The following ITGA6 variants were observed in gnomAD, a reference collection of about 807,000 sequenced individuals.
ITGA6 encodes integrin subunit alpha 6, also known as integrin alpha-6.
In ITGA6, 63 loss-of-function variants were observed where a neutral mutation model predicts 133.6. The ratio of observed to expected loss-of-function variants is 0.47; its 90% CI spans 0.38 to 0.58. ITGA6 has a LOEUF of 0.58. Among genes scored for constraint, ITGA6 ranks in the 20% least tolerant of loss-of-function variants. ITGA6 has a pLI of 0.00. For synonymous variants in ITGA6, 434 were observed against 482.0 expected, an observed-to-expected ratio of 0.90 and a Z score of 1.30; for missense variants, 1,068 against 1,309.4, an observed-to-expected ratio of 0.82 and a Z score of 2.85.
rs566071325 is a variant in ITGA6, at chr2:172,471,128, G to A, written c.775+23G>A. 4 of 1,614,034 alleles carry A rather than the reference G, an allele frequency of 2.5e-6. No individual in the cohort carries two copies. In the East Asian group the frequency reaches 8.9e-5, roughly 36 times the overall value. On this transcript the variant is annotated intron_variant, in intron 5 of 25. Coordinates refer to ENST00000684293, the MANE Select transcript of ITGA6 (RefSeq NM_000210.4). ...TAGGTAGGAGCAGGCACAGATGGCT[G>A]CCTTTGCCCACCTTCTCAGATACCT... is the stretch of plus-strand genomic sequence containing the variant.
rs1686746052 is a variant in ITGA6, at chr2:172,487,627, A to G, written c.2241A>G (p.Ser747=). The change falls in exon 16 of 26, where the codon TCA becomes TCG. Residue 747 remains serine (S), a synonymous_variant. Coordinates refer to ENST00000684293, the MANE Select transcript of ITGA6 (RefSeq NM_000210.4). ...CELGNPFKRN[S]NVTFYLVLST... ...TCGGAAATCCTTTTAAAAGAAATTC[A>G]AATGTAGGTGATGCCTTCATATACT... 1 of 1,613,992 alleles carries G rather than the reference A, an allele frequency of 6.2e-7. No individual in the cohort carries two copies. The highest frequency in any genetic ancestry group is 8.5e-7 in the Non-Finnish European group (1 of 1,179,816).
chr2:172,494,085 T>A (rs1687030522), intron 23 of ITGA6, among the ~76,000 whole-genome samples: 1 of 152,226 alleles, frequency 6.6e-6, no homozygotes, highest in African/African-American at 2.4e-5. Flanking sequence ...ATTTCTGACA[T>A]ACAATAGCTC....
At chr2:172,429,028 A>G (rs1172219404) in intron 1 of ITGA6, among the ~76,000 whole-genome samples, 2 of 152,234 alleles carry the variant, frequency 1.3e-5, no homozygotes, top group African/African-American at 4.8e-5. Flanking sequence ...CAGGACCAAC[A>G]GACCGGAGAA....
chr2:172,441,558 TTAAAAAAAAAAAAAAA>T (rs1183777538), intron 1 of ITGA6, among the ~76,000 whole-genome samples: 1 of 64,858 alleles, frequency 1.5e-5, no homozygotes, highest in African/African-American at 6.2e-5. Flanking sequence ...CGCTGTCTCT[TTAAAAAAAAAAAAAAA>T]AAAAAAAAAA....
rs114764424 is a variant in ITGA6, at chr2:172,432,472, T to C, written c.182+4502T>C. Among the ~76,000 whole-genome samples the C allele has an allele frequency of 4.5e-3, 683 of 152,356 alleles. 6 individuals carry two copies. Among genetic ancestry groups the C allele is most frequent in the African/African-American group, 0.016 (650 of 41,582 alleles). On this transcript the variant is annotated intron_variant, in intron 1 of 25. Transcript: ENST00000684293. The stretch of plus-strand genomic sequence containing the variant: ...GCAAATACAATAGAGACTGATATTA[T>C]ACACTCAGTTTAACCTGTGACATCA...
At chr2:172,475,561 G>T (rs368862941) in intron 7 of ITGA6, 36 bp from the exon 8 acceptor site, 1 of 1,099,932 alleles carries the variant, frequency 9.1e-7, no homozygotes, top group Admixed American at 1.7e-5. Context: ...TTTCTAAAGC[G>T]TTTGTTAAAA....
rs559311324 is a variant in ITGA6, at chr2:172,494,282, G to A, written c.2988+2759G>A. Among the ~76,000 whole-genome samples, 9 of 152,216 alleles carry A rather than the reference G, an allele frequency of 5.9e-5. 2 individuals are homozygous for A. The South Asian group carries it at 1.5e-3, about 25-fold the overall frequency. The stretch of plus-strand genomic sequence containing the variant: ...TAAACTTTGGGAGGCCAAGGCAGGC[G>A]GATTGCTTGAGCCCAGGAGTTAGAG... On this transcript the variant is annotated intron_variant, in intron 23 of 25. Transcript: ENST00000684293.
At chr2:172,442,107 G>T (rs894024942) in intron 1 of ITGA6, among the ~76,000 whole-genome samples, 8 of 152,190 alleles carry the variant, frequency 5.3e-5, no homozygotes, top group African/African-American at 1.9e-4. Context: ...TCCAGAAGCA[G>T]CTGTGTGTTC....
At chr2:172,439,537 G>A (rs191461862) in intron 1 of ITGA6, among the ~76,000 whole-genome samples, 2 of 151,984 alleles carry the variant, frequency 1.3e-5, no homozygotes, top group East Asian at 3.9e-4. Flanking sequence ...TCTTCCTGAG[G>A]TGGCATGGTG....
At chr2:172,466,307 C>G (rs185659628) in intron 2 of ITGA6, among the ~76,000 whole-genome samples, 3 of 152,186 alleles carry the variant, frequency 2.0e-5, no homozygotes, top group Non-Finnish European at 4.4e-5. Flanking sequence ...TCTTCTCTTG[C>G]TTCTTCATCT....
chr2:172,481,787 G>A (rs889304824), intron 11 of ITGA6, among the ~76,000 whole-genome samples: 5 of 152,144 alleles, frequency 3.3e-5, no homozygotes, highest in Admixed American at 2.0e-4. Flanking sequence ...GCATTTTGTC[G>A]AGTGTAGAAA....
intron 5 of ITGA6, among the ~76,000 whole-genome samples, chr2:172,471,306 G>C (rs556520391): frequency 1.3e-5 from 2 of 152,236 alleles, no homozygotes; most frequent in African/African-American, 4.8e-5. Context: ...CTTCTGACTG[G>C]GGCTCCCTCA....
Position 172,497,989 on chromosome 2 carries a change from GT to G in ITGA6, c.3006del (p.Ser1004GlnfsTer4), listed in dbSNP as rs756881450. On this transcript the variant is annotated frameshift_variant, in exon 24 of 26. Transcript: ENST00000684293. LOFTEE classifies it high-confidence loss of function. The part of the protein sequence containing the change: ...NAGTQVRVTV[F>X]PSKTVAQYSG... Reference sequence around the variant, plus strand: ...CTGCCCTGTAGGTTCGAGTGACTGTGTTTCCCTCAAAGACTGTAGCTCAGTA... The same window carrying G: ...CTGCCCTGTAGGTTCGAGTGACTGTGTTCCCTCAAAGACTGTAGCTCAGTA... 6.2e-7 allele frequency: 1 copy of G among 1,613,916 alleles called. No individual in the cohort carries two copies. Among genetic ancestry groups the G allele is most frequent in the Non-Finnish European group, 8.5e-7 (1 of 1,179,890 alleles).
In ITGA6 at chr2:172,489,621, G is replaced by C. The variant is rs762574217; in HGVS notation, c.2642G>C (p.Cys881Ser). The C allele has an allele frequency of 6.2e-7, 1 of 1,614,102 alleles. No homozygotes were observed. The highest frequency in any genetic ancestry group is 2.2e-5 in the East Asian group (1 of 44,862). The change falls in exon 20 of 26, where the codon TGT becomes TCT. Residue 881 changes from cysteine (C) to serine (S), a missense_variant. Cys to Ser is a moderately radical substitution (Grantham distance 112, BLOSUM62 -1). Transcript: ENST00000684293. Reference protein sequence around the residue: ...VESKGLEKVTCEPQKEINSLN... With the variant: ...VESKGLEKVTSEPQKEINSLN... ...TCCAAAGGATTGGAAAAGGTAACTT[G>C]TGAGCCACAAAAGGAGATAAACTCC...
At chr2:172,493,581 GA>G (rs1456852111) in intron 23 of ITGA6, among the ~76,000 whole-genome samples, 2 of 152,100 alleles carry the variant, frequency 1.3e-5, no homozygotes, top group East Asian at 3.9e-4. Flanking sequence ...TACAAACAAG[GA>G]AGCAGACTCA....
chr2:172,458,851 A>G lies in ITGA6; in HGVS notation c.183-6688A>G, dbSNP rs80267212. The stretch of plus-strand genomic sequence containing the variant: ...GCTTAGAATTTTGGGAACATGTTAA[A>G]CCCACAGAATAAGATTAGGATCTGT... On this transcript the variant is annotated intron_variant, in intron 1 of 25. Coordinates refer to ENST00000684293, the MANE Select transcript of ITGA6 (RefSeq NM_000210.4). Among the ~76,000 whole-genome samples the G allele has an allele frequency of 3.9e-5, 6 of 152,328 alleles. No homozygotes were observed. In the East Asian group the frequency reaches 1.2e-3, roughly 29 times the overall value.
chr2:172,485,596 C>A (rs1030082735), intron 13 of ITGA6, among the ~76,000 whole-genome samples: 1 of 152,130 alleles, frequency 6.6e-6, no homozygotes, highest in African/African-American at 2.4e-5. Context: ...GTTTTACTTA[C>A]CATTGAGAAT....
Position 172,489,653 on chromosome 2 carries a change from C to CGT in ITGA6, c.2674_2675insGT (p.Leu892ArgfsTer2). The stretch of plus-strand genomic sequence containing the variant: ...ACAAAAGGAGATAAACTCCCTGAAC[C>CGT]TAACGGTATGTCGGTAGATTTATCT... On this transcript the variant is annotated frameshift_variant, in exon 20 of 26. Coordinates refer to ENST00000684293, the MANE Select transcript of ITGA6 (RefSeq NM_000210.4). LOFTEE classifies it high-confidence loss of function. The CGT allele has an allele frequency of 6.2e-7, 1 of 1,613,194 alleles. No homozygotes were observed. The highest frequency in any genetic ancestry group is 8.5e-7 in the Non-Finnish European group (1 of 1,179,206).
chr2:172,489,190 T>C (rs1474692847), intron 19 of ITGA6, among the ~76,000 whole-genome samples: 1 of 152,208 alleles, frequency 6.6e-6, no homozygotes, highest in African/African-American at 2.4e-5. Flanking sequence ...TGATTTTCCC[T>C]GGGCGTATGT....
Sources: gnomAD v4.1 joint callset for allele counts (sites outside exome capture counted in the v4.1 genomes callset) on GRCh38, gnomAD v4.1.1 for gene constraint, MANE v1.5 for transcripts, NCBI Gene and HGNC (gene_info 2026-07-23, HGNC 2026-07-21) for gene names.